The following SOBP variants were observed in gnomAD, a reference collection of about 807,000 sequenced individuals.
SOBP encodes the protein sine oculis binding protein homolog.
A neutral mutation model predicts 53.6 loss-of-function variants in SOBP; 4 were observed. That is an observed-to-expected ratio of 0.07 (90% confidence interval 0.04 to 0.17). The LOEUF (loss-of-function observed/expected upper bound fraction) is 0.17, where lower values mean the gene tolerates loss of function less well. Ranked by LOEUF, SOBP falls within the 10% of genes least tolerant of loss-of-function variation. The probability of loss-of-function intolerance (pLI) is 1.00; values close to 1 mark genes in which losing one functional copy is unlikely to be tolerated. For synonymous variants in SOBP, 584 were observed against 522.6 expected (o/e 1.12, Z -1.60); for missense variants, 1,088 against 1,204.7 (o/e 0.90, Z 1.43).
intron 6 of SOBP, among the ~76,000 whole-genome samples, chr6:107,643,810 C>T (rs1235198304): frequency 6.6e-6 from 1 of 152,208 alleles, no homozygotes; most frequent in East Asian, 1.9e-4. Flanking sequence ...ATAGAAGATA[C>T]AAGATGAAGT....
intron 6 of SOBP, among the ~76,000 whole-genome samples, chr6:107,647,195 G>A (rs1440822018): frequency 6.6e-6 from 1 of 152,162 alleles, no homozygotes; most frequent in Admixed American, 6.5e-5. Context: ...CTTTCTACAT[G>A]TAGGCAGTGT....
intron 4 of SOBP, among the ~76,000 whole-genome samples, chr6:107,538,069 C>A (rs934079254): frequency 6.6e-6 from 1 of 152,148 alleles, no homozygotes; most frequent in Non-Finnish European, 1.5e-5. Flanking sequence ...CTTTTACTTT[C>A]AGACTATATT....
At chr6:107,632,633 G>T (rs1401133232) in intron 5 of SOBP, among the ~76,000 whole-genome samples, 1 of 152,228 alleles carries the variant, frequency 6.6e-6, no homozygotes, top group East Asian at 1.9e-4. Context: ...AGCTGAGAAT[G>T]AGTATTTTTT....
chr6:107,654,300 C>G (rs1199011302), intron 6 of SOBP, among the ~76,000 whole-genome samples: 6 of 152,162 alleles, frequency 3.9e-5, no homozygotes, highest in Non-Finnish European at 5.9e-5. Context: ...TTGTGTGTGT[C>G]TGATGCTTCA....
At chr6:107,521,408 T>C (rs548635755) in intron 3 of SOBP, among the ~76,000 whole-genome samples, 1 of 152,330 alleles carries the variant, frequency 6.6e-6, no homozygotes, top group African/African-American at 2.4e-5. Context: ...AAATATAGGA[T>C]TAAAAAGGTC....
intron 5 of SOBP, among the ~76,000 whole-genome samples, chr6:107,618,188 G>A (rs1041371807): frequency 6.6e-6 from 1 of 152,156 alleles, no homozygotes; most frequent in Non-Finnish European, 1.5e-5. Context: ...ATGGGTAAAT[G>A]ACTGTACAGT....
At chr6:107,629,758 A>G (rs761500232) in intron 5 of SOBP, among the ~76,000 whole-genome samples, 2 of 152,234 alleles carry the variant, frequency 1.3e-5, no homozygotes, top group Admixed American at 1.3e-4. Context: ...CACTGAGCTT[A>G]TAAGTACTAC....
intron 3 of SOBP, among the ~76,000 whole-genome samples, chr6:107,512,617 C>A: frequency 6.6e-6 from 1 of 152,234 alleles, no homozygotes; most frequent in East Asian, 1.9e-4. Flanking sequence ...GTCTCCCCAC[C>A]TTGTCAACTT....
At chr6:107,605,824 G>C (rs1786353653) in intron 5 of SOBP, among the ~76,000 whole-genome samples, 1 of 152,188 alleles carries the variant, frequency 6.6e-6, no homozygotes, top group South Asian at 2.1e-4. Context: ...GTTAAGCATG[G>C]AGAATCCCAG....
chr6:107,618,129 C>T (rs1786866062), intron 5 of SOBP, among the ~76,000 whole-genome samples: 1 of 152,046 alleles, frequency 6.6e-6, no homozygotes, highest in African/African-American at 2.4e-5. Flanking sequence ...GTGCGCGGCC[C>T]GTATGCCTTC....
intron 3 of SOBP, chr6:107,511,732 C>T (rs1783175319): frequency 6.6e-6 from 1 of 152,150 alleles, no homozygotes; most frequent in Non-Finnish European, 1.5e-5. Context: ...CCTGCCCTCC[C>T]TTTTCTCTGG....
Position 107,635,451 on chromosome 6 carries a change from A to G in SOBP, c.2607A>G (p.Arg869=). ...TCAAAAGGAGGTGCCTCCGAATTAG[A>G]AATCAGAATAAGTAAAAGGTTTGTA... The part of the protein sequence containing the change: ...PPLKRRCLRI[R]NQNK Residue 869 remains arginine (R), a synonymous_variant, in exon 6 of 7, where the codon AGA becomes AGG. Coordinates refer to ENST00000317357, the MANE Select transcript of SOBP (RefSeq NM_018013.4). This position sits in a 1 kb window ranked among gnomAD's most constrained non-coding sequence, Gnocchi z 4.5. 6.2e-7 allele frequency: 1 copy of G among 1,613,300 alleles called. No homozygotes were observed. The highest frequency in any genetic ancestry group is 8.5e-7 in the Non-Finnish European group (1 of 1,180,022).
Position 107,635,398 on chromosome 6 carries a change from G to T in SOBP, c.2554G>T (p.Ala852Ser). ...PCIISSPMLS[A>S]GPEDLEPPLK... The stretch of plus-strand genomic sequence containing the variant: ...CATCATCTCCTCGCCCATGCTCAGC[G>T]CCGGGCCTGAGGACCTGGAGCCGCC... Residue 852 changes from alanine to serine, a missense_variant, in exon 6 of 7, where the codon GCC becomes TCC. Ala to Ser is a moderately conservative substitution (Grantham distance 99). Transcript: ENST00000317357. The surrounding 1 kb of genome is among the most constrained non-coding windows in gnomAD (Gnocchi z 4.5). The T allele has an allele frequency of 6.2e-7, 1 of 1,613,384 alleles. No individual in the cohort carries two copies. The highest frequency in any genetic ancestry group is 8.5e-7 in the Non-Finnish European group (1 of 1,180,014).
intron 4 of SOBP, among the ~76,000 whole-genome samples, chr6:107,582,457 A>G (rs1785432533): frequency 6.6e-6 from 1 of 152,206 alleles, no homozygotes; most frequent in East Asian, 1.9e-4. Flanking sequence ...ATATTTATCT[A>G]AATGTTAGGC....
At chr6:107,572,644 G>C (rs548386285) in intron 4 of SOBP, among the ~76,000 whole-genome samples, 3 of 152,276 alleles carry the variant, frequency 2.0e-5, no homozygotes, top group Admixed American at 6.5e-5. Flanking sequence ...CCAAATATCA[G>C]ATTGTTCAGA....
chr6:107,495,449 T>TA (rs890023571), intron 1 of SOBP, among the ~76,000 whole-genome samples: 35 of 152,150 alleles, frequency 2.3e-4, no homozygotes, highest in African/African-American at 8.4e-4. Context: ...TAAACTTACT[T>TA]ATACAACTCG....
At chr6:107,646,473 T>C (rs1771563929) in intron 6 of SOBP, among the ~76,000 whole-genome samples, 1 of 152,210 alleles carries the variant, frequency 6.6e-6, no homozygotes, top group Admixed American at 6.5e-5. Context: ...TGCTGTTTCA[T>C]GCATGCACAG....
chr6:107,543,788 C>T (rs986045034), intron 4 of SOBP, among the ~76,000 whole-genome samples: 2 of 152,156 alleles, frequency 1.3e-5, no homozygotes, highest in African/African-American at 4.8e-5. Flanking sequence ...TGTGGTTAGC[C>T]GTCATCATAG....
intron 3 of SOBP, among the ~76,000 whole-genome samples, chr6:107,531,673 T>TG (rs1181114484): frequency 6.6e-6 from 1 of 152,156 alleles, no homozygotes; most frequent in Non-Finnish European, 1.5e-5. Flanking sequence ...AAGCTTGCTT[T>TG]GAATAGAACA....
Sources: gnomAD v4.1 joint callset for allele counts (sites outside exome capture counted in the v4.1 genomes callset) on GRCh38, gnomAD v4.1.1 for gene constraint, Gnocchi (gnomAD v3.1) non-coding constraint, MANE v1.5 for transcripts, NCBI Gene and HGNC (gene_info 2026-07-23, HGNC 2026-07-21) for gene names.